TSPEAR: variants seen among roughly 807,000 people sequenced by gnomAD.
The protein encoded by TSPEAR is thrombospondin type laminin G domain and EAR repeats.
A neutral mutation model predicts 71.6 loss-of-function variants in TSPEAR; 69 were observed. That is an observed-to-expected ratio of 0.96 (90% CI 0.79 to 1.18). The LOEUF is 1.18. TSPEAR is among the 50% of genes most tolerant of loss of function. The probability of loss-of-function intolerance (pLI) is 0.00; values close to 1 mark genes in which losing one functional copy is unlikely to be tolerated. For synonymous variants in TSPEAR, 402 were observed against 387.2 expected, an observed-to-expected ratio of 1.04 and a Z score of -0.45; for missense variants, 971 against 894.9, an observed-to-expected ratio of 1.09 and a Z score of -1.09.
chr21:44,584,670 A>G (rs893059863), intron 1 of TSPEAR, among the ~76,000 whole-genome samples: 1 of 152,180 alleles, frequency 6.6e-6, no homozygotes, highest in Non-Finnish European at 1.5e-5. Context: ...CACCAGTCTT[A>G]TATTAGAGGA....
intron 1 of TSPEAR, among the ~76,000 whole-genome samples, chr21:44,634,100 T>C (rs1478516567): frequency 6.6e-6 from 1 of 152,162 alleles, no homozygotes; most frequent in Non-Finnish European, 1.5e-5. Flanking sequence ...TGTTTTTTCA[T>C]TAGCCAAATA....
chr21:44,568,649 C>T (rs1215237942), intron 1 of TSPEAR, among the ~76,000 whole-genome samples: 3 of 152,098 alleles, frequency 2.0e-5, no homozygotes, highest in Admixed American at 2.0e-4. Flanking sequence ...GCATGGAGGG[C>T]ATTCGGGGCT....
intron 11 of TSPEAR, among the ~76,000 whole-genome samples, chr21:44,501,457 T>C (rs1448509900): frequency 1.3e-5 from 2 of 152,032 alleles, no homozygotes; most frequent in African/African-American, 2.4e-5. Context: ...ATTAGCCAGG[T>C]GTGGTGGCAG....
intron 1 of TSPEAR, chr21:44,647,058 G>T (rs202088711): frequency 6.2e-7 from 1 of 1,613,556 alleles, no homozygotes; most frequent in Admixed American, 1.7e-5. Flanking sequence ...TCTACTGCAA[G>T]CCCATCTGCT....
intron 1 of TSPEAR, among the ~76,000 whole-genome samples, chr21:44,674,732 G>A (rs587709793): frequency 0.021 from 30 of 1,424 alleles, no homozygotes; most frequent in Middle Eastern, 0.25. Flanking sequence ...TGTCTTTAAA[G>A]TGTGTGTGTG....
intron 1 of TSPEAR, among the ~76,000 whole-genome samples, chr21:44,684,771 T>C (rs1271635371): frequency 6.6e-6 from 1 of 152,120 alleles, no homozygotes; most frequent in African/African-American, 2.4e-5. Flanking sequence ...AGGAAGGAGA[T>C]GGGGGAAGGT....
chr21:44,522,205 C>T lies in TSPEAR; in HGVS notation c.1337-93G>A, dbSNP rs587748102. 3.8e-6 allele frequency: 5 copies of T among 1,307,038 alleles called. No individual in the cohort carries two copies. The African/African-American group carries it at 4.4e-5, about 11-fold the overall frequency. The allele number at this position is 1,307,038 out of a possible 1,614,324, so 81.0% of individuals were successfully genotyped here. ...GGCAGAGCCCAGTCCAAGTCCCTCC[C>T]CGAGGACCGAAGACCCACGAGGACA... On this transcript the variant is annotated intron_variant, in intron 8 of 11. Coordinates refer to ENST00000323084, the MANE Select transcript of TSPEAR (RefSeq NM_144991.3).
chr21:44,600,372 C>A (rs1213786306), intron 1 of TSPEAR, among the ~76,000 whole-genome samples: 3 of 151,752 alleles, frequency 2.0e-5, no homozygotes, highest in Admixed American at 2.0e-4. Context: ...TCAACGGAAC[C>A]AAATATAGAC....
chr21:44,639,047 G>T (rs587598779), intron 1 of TSPEAR, among the ~76,000 whole-genome samples: 1 of 152,252 alleles, frequency 6.6e-6, no homozygotes, highest in East Asian at 1.9e-4. Context: ...CTCAGGCATC[G>T]CTGGCGAGAG....
At chr21:44,702,177 C>CA in intron 1 of TSPEAR, 1 of 1,475,684 alleles carries the variant, frequency 6.8e-7, no homozygotes, top group Non-Finnish European at 9.2e-7. Context: ...GACCACCATC[C>CA]ACCCCACAGA....
At chr21:44,513,477 C>T (rs1421176595) in intron 9 of TSPEAR, among the ~76,000 whole-genome samples, 4 of 152,228 alleles carry the variant, frequency 2.6e-5, no homozygotes, top group Non-Finnish European at 4.4e-5. Context: ...GGGAGCCAAG[C>T]GACCAGGCAC....
chr21:44,678,170 G>T, intron 1 of TSPEAR: 2 of 506,098 alleles, frequency 4.0e-6, no homozygotes, highest in Non-Finnish European at 7.1e-6. Context: ...ATATGTCAAG[G>T]ATGCCTATTT....
intron 1 of TSPEAR, among the ~76,000 whole-genome samples, chr21:44,636,176 G>A (rs73907097): frequency 0.019 from 2,931 of 152,224 alleles, 91 homozygotes; most frequent in African/African-American, 0.066. Context: ...TGATGGGAAC[G>A]TCGTGGATGC....
At chr21:44,592,111 C>G (rs587696680) in intron 1 of TSPEAR, 4 of 1,441,748 alleles carry the variant, frequency 2.8e-6, no homozygotes, top group African/African-American at 1.9e-5. Context: ...GACGGACACA[C>G]AGCACACAGG....
chr21:44,581,790 G>T (rs587671026), intron 1 of TSPEAR, among the ~76,000 whole-genome samples: 1 of 152,282 alleles, frequency 6.6e-6, no homozygotes, highest in African/African-American at 2.4e-5. Flanking sequence ...GCATTTAAAC[G>T]TTTTTCCCCT....
chr21:44,592,482 C>T (rs587760448), intron 1 of TSPEAR: 190 of 1,608,258 alleles, frequency 1.2e-4, no homozygotes, highest in Admixed American at 8.4e-4. Flanking sequence ...TGGACGCGGC[C>T]ATGCTGGGGT....
intron 5 of TSPEAR, among the ~76,000 whole-genome samples, 162 bp downstream of exon 5, chr21:44,529,636 C>T (rs1337041542): frequency 2.6e-5 from 4 of 152,040 alleles, no homozygotes; most frequent in African/African-American, 7.2e-5. Context: ...GGGTGGGCCC[C>T]GAGTATCCCC....
In TSPEAR at chr21:44,531,078, C is replaced by A. The variant is rs782081048; in HGVS notation, c.598G>T (p.Val200Phe). The change falls in exon 4 of 12, where the codon GTC (valine) becomes TTC (phenylalanine). Residue 200 changes from valine (V) to phenylalanine (F), a missense_variant. Val to Phe is a conservative substitution (Grantham distance 50). Transcript: ENST00000323084. ...TLSVKGARFF[V>F]GSRRRAKGLF... ...CCTTTGGCTCTCCTCCGGCTGCCGACGAAGAATCGAGCTCCTTTCACTGAC... is the reference window on the plus strand; with the variant it reads ...CCTTTGGCTCTCCTCCGGCTGCCGAAGAAGAATCGAGCTCCTTTCACTGAC... The A allele has an allele frequency of 6.2e-7, 1 of 1,613,722 alleles. No individual in the cohort carries two copies. Among genetic ancestry groups the A allele is most frequent in the Non-Finnish European group, 8.5e-7 (1 of 1,179,978 alleles).
chr21:44,594,262 AC>A (rs782807186), intron 1 of TSPEAR, among the ~76,000 whole-genome samples: 3 of 152,194 alleles, frequency 2.0e-5, no homozygotes, highest in Non-Finnish European at 4.4e-5. Context: ...AAGGAAAGAA[AC>A]TTTTGCCATT....
Sources: gnomAD v4.1 joint callset for allele counts (sites outside exome capture counted in the v4.1 genomes callset) on GRCh38, gnomAD v4.1.1 for gene constraint, MANE v1.5 for transcripts, NCBI Gene and HGNC (gene_info 2026-07-23, HGNC 2026-07-21) for gene names.